Variants in LIFR observed in about 807,000 individuals in gnomAD.
LIFR encodes the protein LIF receptor subunit alpha.
A neutral mutation model predicts 122.2 loss-of-function variants in LIFR; 84 were observed. The ratio of observed to expected loss-of-function variants is 0.69; its 90% confidence interval spans 0.58 to 0.82. LIFR has a LOEUF of 0.82. Ranked by LOEUF, LIFR falls within the 40% of genes least tolerant of loss-of-function variation. The pLI, the probability that LIFR is intolerant of heterozygous loss-of-function variation, is 0.00. For synonymous variants in LIFR, 422 were observed against 434.7 expected (o/e 0.97, Z 0.36); for missense variants, 1,294 against 1,311.6 (o/e 0.99, Z 0.21).
At chr5:38,534,535 T>C (rs557177235) in intron 1 of LIFR, among the ~76,000 whole-genome samples, 153 of 152,272 alleles carry the variant, frequency 1.0e-3, no homozygotes, top group African/African-American at 3.4e-3. Flanking sequence ...TATCAGTATA[T>C]AGGTCTAGTC....
At chr5:38,541,236 T>C (rs534340137) in intron 1 of LIFR, among the ~76,000 whole-genome samples, 55 of 152,316 alleles carry the variant, frequency 3.6e-4, no homozygotes, top group African/African-American at 1.3e-3. Flanking sequence ...ATAACTGATA[T>C]TTGGCAAAGC....
At chr5:38,545,350 ATGTGTGTGTGTG>A (rs112421759) in intron 1 of LIFR, among the ~76,000 whole-genome samples, 4 of 151,420 alleles carry the variant, frequency 2.6e-5, no homozygotes, top group African/African-American at 9.7e-5. Flanking sequence ...ACATAAATAT[ATGTGTGTGTGTG>A]TGTATGTGTG....
At chr5:38,539,670 G>T (rs372127312) in intron 1 of LIFR, among the ~76,000 whole-genome samples, 81 of 151,632 alleles carry the variant, frequency 5.3e-4, no homozygotes, top group African/African-American at 1.6e-3. Flanking sequence ...AGTTTTTTTG[G>T]TTTTTTGGGG....
intron 1 of LIFR, among the ~76,000 whole-genome samples, chr5:38,606,891 C>A (rs1057288899): frequency 6.6e-6 from 1 of 152,174 alleles, no homozygotes; most frequent in Admixed American, 6.5e-5. Context: ...TTACATCACA[C>A]AATTCATATC....
At chr5:38,590,344 G>T (rs1336963186) in intron 1 of LIFR, among the ~76,000 whole-genome samples, 2 of 152,144 alleles carry the variant, frequency 1.3e-5, no homozygotes, top group African/African-American at 4.8e-5. Flanking sequence ...AGAGGGAGAT[G>T]AAAGTAGGGA....
intron 16 of LIFR, among the ~76,000 whole-genome samples, chr5:38,487,792 G>T (rs1744368473): frequency 6.6e-6 from 1 of 152,148 alleles, no homozygotes; most frequent in Admixed American, 6.6e-5. Context: ...TCAGTTCTAA[G>T]GAACGTTCTT....
At chr5:38,530,005 C>A (rs1746916436) in intron 2 of LIFR, among the ~76,000 whole-genome samples, 1 of 152,030 alleles carries the variant, frequency 6.6e-6, no homozygotes, top group Non-Finnish European at 1.5e-5. Context: ...TCTACATAAA[C>A]ATTCTTAATA....
In LIFR at chr5:38,493,662, C is replaced by G; in HGVS notation, c.2009G>C (p.Cys670Ser). The G allele has an allele frequency of 6.2e-7, 1 of 1,614,172 alleles. No homozygotes were observed. The highest frequency in any genetic ancestry group is 8.5e-7 in the Non-Finnish European group (1 of 1,180,032). Residue 670 changes from cysteine to serine, a missense_variant, in exon 14 of 20, where the codon TGC becomes TCC. Physicochemically the swap from Cys to Ser is moderately radical, Grantham distance 112. Transcript: ENST00000453190. ...KWCNSSRSEP[C>S]LMDWRKVPSN... ...GGGAACTTTTCTCCAGTCCATAAGG[C>G]ATGGTTCCGACCGAGACGAGTTACA...
chr5:38,480,100 A>C lies in LIFR; in HGVS notation c.*1495T>G. On this transcript the variant is annotated 3_prime_UTR_variant, in exon 20 of 20. Coordinates refer to ENST00000453190, the MANE Select transcript of LIFR (RefSeq NM_001127671.2). ...CCATTATTTGCAAATACATTACAGA[A>C]TCTCAGATGATAAAAAACAAACAAA... 4.4e-6 allele frequency: 1 copy of C among 226,660 alleles called. No homozygotes were observed. The highest frequency in any genetic ancestry group is 8.7e-6 in the Non-Finnish European group (1 of 114,730). The allele number at this position is 226,660 out of a possible 1,614,324, so 14.0% of individuals were successfully genotyped here.
chr5:38,553,619 AAACT>A (rs1440610760), intron 1 of LIFR, among the ~76,000 whole-genome samples: 2 of 71,546 alleles, frequency 2.8e-5, no homozygotes, highest in African/African-American at 4.9e-5. Flanking sequence ...TGGACCATTT[AAACT>A]ATATATATAT....
intron 11 of LIFR, among the ~76,000 whole-genome samples, chr5:38,502,008 T>C (rs1745209774): frequency 6.7e-6 from 1 of 149,382 alleles, no homozygotes; most frequent in Admixed American, 6.7e-5. Context: ...AAAAGGCCAA[T>C]GAGTTAAAAG....
chr5:38,576,807 T>C (rs999537124), intron 1 of LIFR, among the ~76,000 whole-genome samples: 19 of 152,264 alleles, frequency 1.2e-4, no homozygotes, highest in Admixed American at 1.2e-3. Context: ...ATTTTCTTCA[T>C]GCCTGTTATA....
chr5:38,546,700 T>C (rs1004741050), intron 1 of LIFR, among the ~76,000 whole-genome samples: 3 of 152,192 alleles, frequency 2.0e-5, no homozygotes, highest in African/African-American at 7.2e-5. Context: ...GAAAGTGATA[T>C]ATTTCTGATT....
rs1386653235 is a variant in LIFR at position 38,505,410 on chromosome 5, AC to A, written c.1291+494del. ...ATAAATTGCATAGAACTACACACAC[AC>A]ACACACACACACACACACACACACA... On this transcript the variant is annotated intron_variant, in intron 9 of 19. Transcript: ENST00000453190. 6.8e-3 allele frequency among the ~76,000 whole-genome samples: 884 copies of A among 130,326 alleles called. 13 individuals carry two copies. Among genetic ancestry groups the A allele is most frequent in the African/African-American group, 0.022 (833 of 37,168 alleles). The allele number at this position is 130,326 out of a possible 152,430, so 85.5% of individuals were successfully genotyped here. A position where few individuals can be genotyped will look rare whatever the true frequency, so the allele number is the denominator to read the frequency against.
rs1743829217 is a variant in LIFR at position 38,478,537 on chromosome 5, T to C, written c.*3058A>G. The stretch of plus-strand genomic sequence containing the variant: ...TAGATTGCATACATGTGCTAATCTA[T>C]GCAATATATGATTCACAAGGTTCAT... On this transcript the variant is annotated 3_prime_UTR_variant, in exon 20 of 20. Coordinates refer to ENST00000453190, the MANE Select transcript of LIFR (RefSeq NM_001127671.2). 1 of 197,540 alleles carries C rather than the reference T, an allele frequency of 5.1e-6. No homozygotes were observed. Among genetic ancestry groups the C allele is most frequent in the South Asian group, 1.9e-4 (1 of 5,218 alleles). 12.2% of individuals were successfully genotyped at this position (197,540 alleles called of 1,614,324 possible).
chr5:38,602,226 C>A (rs1371158542), intron 2 of LIFR, among the ~76,000 whole-genome samples: 2 of 152,232 alleles, frequency 1.3e-5, no homozygotes, highest in Non-Finnish European at 2.9e-5. Flanking sequence ...TCAGTGACTT[C>A]TCATTGTCTC....
chr5:38,489,418 T>C (rs1363325359), intron 15 of LIFR, among the ~76,000 whole-genome samples, 173 bp from the exon 16 acceptor site: 1 of 152,212 alleles, frequency 6.6e-6, no homozygotes, highest in Non-Finnish European at 1.5e-5. Context: ...GAAGCTTACA[T>C]ACTAATAACC....
upstream of LIFR, among the ~76,000 whole-genome samples, chr5:38,561,256 G>A (rs1244416491): frequency 1.3e-5 from 2 of 152,180 alleles, no homozygotes; most frequent in Non-Finnish European, 2.9e-5. Flanking sequence ...GGCATACAGA[G>A]CTAATTTTTT....
chr5:38,516,319 AAAGGGCTAAT>A (rs1217950839), intron 5 of LIFR, among the ~76,000 whole-genome samples: 1 of 152,224 alleles, frequency 6.6e-6, no homozygotes, highest in Non-Finnish European at 1.5e-5. Flanking sequence ...TCCATCTGAC[AAAGGGCTAAT>A]ATCCAGAATC....
Sources: allele counts gnomAD v4.1 joint callset (sites outside exome capture counted in the v4.1 genomes callset), GRCh38; gene constraint gnomAD v4.1.1; transcripts MANE v1.5; gene names NCBI Gene and HGNC (gene_info 2026-07-23, HGNC 2026-07-21).